Variants in KCNK10 observed in about 807,000 individuals in gnomAD.
KCNK10 encodes potassium channel subfamily K member 10.
Under a neutral mutation model 47.7 loss-of-function variants are expected in KCNK10, and 25 were observed. That is an observed-to-expected ratio of 0.52 (90% CI 0.38 to 0.73). KCNK10 has a LOEUF of 0.73. KCNK10 is among the 30% of genes least tolerant of loss of function. KCNK10 has a pLI of 0.00. For missense variants in KCNK10, 563 were observed against 714.5 expected (o/e 0.79, Z 2.42); for synonymous variants, 303 against 285.6 (o/e 1.06, Z -0.61).
At chr14:88,235,187 T>C (rs968612535) in intron 3 of KCNK10, 5 of 456,544 alleles carry the variant, frequency 1.1e-5, no homozygotes, top group Non-Finnish European at 2.2e-5. Flanking sequence ...ATGTGCTGTC[T>C]GGAAGGTGGT....
rs1217995096 is a variant in KCNK10 at position 88,183,375 on chromosome 14, A to G, written c.*2160T>C. 2.0e-5 allele frequency: 3 copies of G among 152,410 alleles called. No homozygotes were observed. Among genetic ancestry groups the G allele is most frequent in the South Asian group, 2.1e-4 (1 of 4,836 alleles). The allele number at this position is 152,410 out of a possible 1,614,324, so 9.4% of individuals were successfully genotyped here. On this transcript the variant is annotated 3_prime_UTR_variant, in exon 7 of 7. Transcript: ENST00000319231. ...GGGCCTGGAATTTTAACACACTGCTACAAAGAACGTACCAGATAACACAGA... is the reference window on the plus strand; with the variant it reads ...GGGCCTGGAATTTTAACACACTGCTGCAAAGAACGTACCAGATAACACAGA...
Position 88,263,579 on chromosome 14 carries a change from A to G in KCNK10, c.53-28T>C, listed in dbSNP as rs946454367. 1.9e-6 allele frequency: 3 copies of G among 1,576,338 alleles called. No homozygotes were observed. In the African/African-American group the frequency reaches 4.1e-5, roughly 21 times the overall value. On this transcript the variant is annotated intron_variant, in intron 1 of 6. Transcript: ENST00000319231. ...GAGGAGTCAGGGTGGGGGACAAAGA[A>G]GAAGAGAGTTTGTTTATAAATAAAT...
chr14:88,254,125 A>G (rs928759585), intron 2 of KCNK10, among the ~76,000 whole-genome samples: 5 of 152,128 alleles, frequency 3.3e-5, no homozygotes, highest in African/African-American at 4.8e-5. Context: ...CAGAAAAACT[A>G]TCATGAACAG....
chr14:88,279,364 C>CGTGTGTGTGT lies in KCNK10; in HGVS notation c.53-15823_53-15814dup, dbSNP rs58319931. Among the ~76,000 whole-genome samples the CGTGTGTGTGT allele has an allele frequency of 9.3e-4, 128 of 137,672 alleles. 1 individual carries two copies. Among genetic ancestry groups the CGTGTGTGTGT allele is most frequent in the Non-Finnish European group, 1.3e-3 (81 of 64,130 alleles). 90.3% of individuals were successfully genotyped at this position (137,672 alleles called of 152,430 possible). ...TTAGTTAAGGGAGAATTGCCAGATACGTGTGTGTGTGTGTGTGTGTGTGTG... is the reference window on the plus strand; with the variant it reads ...TTAGTTAAGGGAGAATTGCCAGATACGTGTGTGTGTGTGTGTGTGTGTGTGTGTGTGTGTG... On this transcript the variant is annotated intron_variant, in intron 1 of 6. Coordinates refer to ENST00000319231, the MANE Select transcript of KCNK10 (RefSeq NM_138317.3).
chr14:88,210,868 G>A (rs903573190), intron 4 of KCNK10, among the ~76,000 whole-genome samples: 2 of 151,776 alleles, frequency 1.3e-5, no homozygotes, highest in Admixed American at 1.3e-4. Context: ...GTGTTGGTGA[G>A]GAAGTGGAAA....
intron 2 of KCNK10, among the ~76,000 whole-genome samples, chr14:88,257,045 C>T (rs1369782018): frequency 2.3e-4 from 35 of 152,178 alleles, no homozygotes; most frequent in Non-Finnish European, 4.4e-5. Flanking sequence ...CAGGGATATG[C>T]AGCACATAGC....
Position 88,182,919 on chromosome 14 carries a change from A to G in KCNK10, c.*2616T>C, listed in dbSNP as rs1034149266. The G allele has an allele frequency of 1.3e-5, 2 of 152,356 alleles. No homozygotes were observed. Among genetic ancestry groups the G allele is most frequent in the Non-Finnish European group, 2.9e-5 (2 of 68,050 alleles). 9.4% of individuals were successfully genotyped at this position (152,356 alleles called of 1,614,324 possible). A position where few individuals can be genotyped will look rare whatever the true frequency, so the allele number is the denominator to read the frequency against. On this transcript the variant is annotated 3_prime_UTR_variant, in exon 7 of 7. Coordinates refer to ENST00000319231, the MANE Select transcript of KCNK10 (RefSeq NM_138317.3). ...AATTTCCAAAACCAAATAAATGTAC[A>G]GTAGGTGTCTGCAGGGGCAACCCTT...
At chr14:88,215,052 C>A (rs1885575269) in intron 4 of KCNK10, among the ~76,000 whole-genome samples, 2 of 152,142 alleles carry the variant, frequency 1.3e-5, no homozygotes, top group South Asian at 4.1e-4. Context: ...CAGAACCAGT[C>A]TAAGCATTCC....
At chr14:88,272,755 G>A (rs1391314439) in intron 1 of KCNK10, among the ~76,000 whole-genome samples, 4 of 152,104 alleles carry the variant, frequency 2.6e-5, no homozygotes, top group African/African-American at 9.7e-5. Context: ...TGCAGCAAGT[G>A]AGAGATCGTC....
chr14:88,323,902 C>T (rs528051744), upstream of KCNK10, among the ~76,000 whole-genome samples: 19 of 152,290 alleles, frequency 1.2e-4, no homozygotes, highest in African/African-American at 4.1e-4. Flanking sequence ...AACCCACGTC[C>T]CCGCCGCACT....
intron 1 of KCNK10, among the ~76,000 whole-genome samples, chr14:88,276,205 G>A (rs909043292): frequency 2.0e-5 from 3 of 146,954 alleles, no homozygotes; most frequent in Admixed American, 6.6e-5. Context: ...GCTTTGGGGG[G>A]TGATTAGATG....
intron 2 of KCNK10, among the ~76,000 whole-genome samples, chr14:88,253,114 G>A (rs1266557540): frequency 1.3e-5 from 2 of 152,114 alleles, no homozygotes; most frequent in Non-Finnish European, 2.9e-5. Flanking sequence ...GCCGCCTCTT[G>A]GTGCAATGGA....
intron 2 of KCNK10, among the ~76,000 whole-genome samples, chr14:88,261,759 C>CA (rs1887117968): frequency 8.0e-6 from 1 of 125,560 alleles, no homozygotes; most frequent in African/African-American, 2.7e-5. Flanking sequence ...GACCCTGTCT[C>CA]AAAAAAGAAA....
At chr14:88,253,280 G>A (rs1886850545) in intron 2 of KCNK10, among the ~76,000 whole-genome samples, 1 of 152,124 alleles carries the variant, frequency 6.6e-6, no homozygotes, top group South Asian at 2.1e-4. Context: ...AAGATAACAG[G>A]AATAAATTCT....
intron 4 of KCNK10, among the ~76,000 whole-genome samples, chr14:88,196,216 A>T (rs546792923): frequency 1.6e-3 from 246 of 152,254 alleles, no homozygotes; most frequent in Non-Finnish European, 2.8e-3. Context: ...AGTACTCAAA[A>T]CCCATCTCCT....
At chr14:88,226,710 A>T (rs1302139091) in intron 4 of KCNK10, among the ~76,000 whole-genome samples, 1 of 152,248 alleles carries the variant, frequency 6.6e-6, no homozygotes, top group Non-Finnish European at 1.5e-5. Flanking sequence ...TTATTAATTA[A>T]TTTTAATTTT....
intron 4 of KCNK10, among the ~76,000 whole-genome samples, chr14:88,201,433 G>A (rs1428088260): frequency 6.6e-6 from 1 of 152,184 alleles, no homozygotes; most frequent in Non-Finnish European, 1.5e-5. Context: ...CGAGAGGTAG[G>A]TGGATCACTT....
chr14:88,325,610 T>A (rs1295314634), upstream of KCNK10, among the ~76,000 whole-genome samples: 1 of 152,164 alleles, frequency 6.6e-6, no homozygotes, highest in Non-Finnish European at 1.5e-5. Context: ...CCGGGACCCA[T>A]GAATCTGACC....
At chr14:88,298,656 C>T (rs1402275696) in intron 1 of KCNK10, among the ~76,000 whole-genome samples, 3 of 152,194 alleles carry the variant, frequency 2.0e-5, no homozygotes, top group Non-Finnish European at 4.4e-5. Context: ...CTCACAAATT[C>T]ATTGTTTCTC....
Sources: allele counts gnomAD v4.1 joint callset (sites outside exome capture counted in the v4.1 genomes callset), GRCh38; gene constraint gnomAD v4.1.1; transcripts MANE v1.5; gene names NCBI Gene and HGNC (gene_info 2026-07-23, HGNC 2026-07-21).